Variants in WNT2 observed in about 807,000 individuals in gnomAD.
WNT2 encodes the protein Wnt family member 2.
In WNT2, 12 loss-of-function variants were observed where a neutral mutation model predicts 36.9. The observed-to-expected ratio is 0.33, with a 90% confidence interval of 0.21 to 0.53. WNT2 has a LOEUF of 0.53. Among genes scored for constraint, WNT2 ranks in the 20% least tolerant of loss-of-function variants. The probability of loss-of-function intolerance (pLI) is 0.95; values close to 1 mark genes in which losing one functional copy is unlikely to be tolerated. For missense variants in WNT2, 379 were observed against 473.1 expected (o/e 0.80, Z 1.84); for synonymous variants, 163 against 174.6 (o/e 0.93, Z 0.52).
chr7:117,313,878 G>T (rs971997935), intron 3 of WNT2, among the ~76,000 whole-genome samples: 1 of 152,144 alleles, frequency 6.6e-6, no homozygotes, highest in South Asian at 2.1e-4. Flanking sequence ...GTTCAAGAAA[G>T]GTACTATTTG....
chr7:117,278,452 A>G (rs1794421711), intron 4 of WNT2, 68 bp from the exon 5 acceptor site: 2 of 1,451,910 alleles, frequency 1.4e-6, no homozygotes, highest in Non-Finnish European at 1.9e-6. Flanking sequence ...CCAGAGGAGG[A>G]GTCACGAGGT....
At chr7:117,293,050 A>T (rs1196152141) in intron 4 of WNT2, among the ~76,000 whole-genome samples, 2 of 152,086 alleles carry the variant, frequency 1.3e-5, no homozygotes, top group African/African-American at 2.4e-5. Flanking sequence ...TGAGCTCAGG[A>T]GTCGGAGCCT....
intron 4 of WNT2, among the ~76,000 whole-genome samples, chr7:117,294,168 G>C (rs1300461116): frequency 6.6e-6 from 1 of 152,076 alleles, no homozygotes; most frequent in African/African-American, 2.4e-5. Context: ...CAAGGTGCTG[G>C]GATTATAGGC....
chr7:117,318,578 C>A (rs564630721), intron 2 of WNT2, among the ~76,000 whole-genome samples: 11 of 152,206 alleles, frequency 7.2e-5, no homozygotes, highest in African/African-American at 2.7e-4. Flanking sequence ...AGTCCTGTCA[C>A]CCAGGCTGGA....
chr7:117,293,957 G>C (rs537690132), intron 4 of WNT2, among the ~76,000 whole-genome samples: 1 of 152,312 alleles, frequency 6.6e-6, no homozygotes, highest in African/African-American at 2.4e-5. Flanking sequence ...CCAGAGGTTA[G>C]AGGACACTCC....
intron 3 of WNT2, 129 bp from the exon 4 acceptor site, chr7:117,298,005 T>A: frequency 7.8e-7 from 1 of 1,282,486 alleles, no homozygotes. Flanking sequence ...GACTGGGAAA[T>A]GTTGAAGCAT....
rs1234173745 is a variant in WNT2, at chr7:117,284,715, C to A, written c.854-6331G>T. On this transcript the variant is annotated intron_variant, in intron 4 of 4. Coordinates refer to ENST00000265441, the MANE Select transcript of WNT2 (RefSeq NM_003391.3). The surrounding 1 kb of genome is among the most constrained non-coding windows in gnomAD (Gnocchi z 5.2). ...CTTTTCTTTCTGTTCACAACTGGAG[C>A]CAATATTTATGGAGCACTTATGTGA... 6.6e-6 allele frequency among the ~76,000 whole-genome samples: 1 copy of A among 152,108 alleles called. No homozygotes were observed. The highest frequency in any genetic ancestry group is 1.9e-4 in the East Asian group (1 of 5,198).
intron 4 of WNT2, among the ~76,000 whole-genome samples, chr7:117,295,114 A>AGAGACGAGACGAGACGAGATGAGAT (rs1175831463): frequency 6.6e-6 from 1 of 150,760 alleles, no homozygotes; most frequent in Non-Finnish European, 1.5e-5. Flanking sequence ...AGAAGAGAAG[A>AGAGACGAGACGAGACGAGATGAGAT]GAGACGAGAC....
intron 2 of WNT2, among the ~76,000 whole-genome samples, chr7:117,317,749 A>C (rs1360855281): frequency 6.6e-6 from 1 of 152,224 alleles, no homozygotes; most frequent in Non-Finnish European, 1.5e-5. Context: ...TATGGAGATA[A>C]ATCAAGCAAT....
chr7:117,278,195 C>T lies in WNT2; in HGVS notation c.1043G>A (p.Cys348Tyr), dbSNP rs1369342294. The change falls in exon 5 of 5, where the codon TGC becomes TAC. Residue 348 changes from cysteine to tyrosine, a missense_variant. Transcript: ENST00000265441. ...CCAGTCAGCGTTCTTGGGGGCCTTG[C>T]ATGTGTGCACATCCAGAGCTTCCAG... is the stretch of plus-strand genomic sequence containing the variant. ...DCLEALDVHT[C>Y]KAPKNADWTT... 1 of 1,614,222 alleles carries T rather than the reference C, an allele frequency of 6.2e-7. No individual in the cohort carries two copies. Among genetic ancestry groups the T allele is most frequent in the Non-Finnish European group, 8.5e-7 (1 of 1,180,026 alleles).
At position 117,303,830 on chromosome 7, in the gene WNT2, T is replaced by C. The variant is rs181744165; in HGVS notation, c.589-5954A>G. 1.1e-3 allele frequency among the ~76,000 whole-genome samples: 161 copies of C among 152,314 alleles called. 4 individuals carry two copies. Among genetic ancestry groups the C allele is most frequent in the Middle Eastern group, 6.8e-3 (2 of 294 alleles). ...GTTCTTAAAGTGAAGTTGGGTGTTT[T>C]CTCGTTCTATTTGCTACCAGTTGCA... On this transcript the variant is annotated intron_variant, in intron 3 of 4. Transcript: ENST00000265441.
At chr7:117,287,137 A>G (rs1387549912) in intron 4 of WNT2, among the ~76,000 whole-genome samples, 1 of 152,118 alleles carries the variant, frequency 6.6e-6, no homozygotes, top group Non-Finnish European at 1.5e-5. Flanking sequence ...TCACAAGTTC[A>G]TGAGATCGAG....
At position 117,276,781 on chromosome 7, in the gene WNT2, C is replaced by G. The variant is rs575036250; in HGVS notation, c.*1374G>C. 1 of 152,224 alleles carries G rather than the reference C, an allele frequency of 6.6e-6. No homozygotes were observed. The highest frequency in any genetic ancestry group is 2.4e-5 in the African/African-American group (1 of 41,462). 9.4% of individuals were successfully genotyped at this position (152,224 alleles called of 1,614,324 possible). A position where few individuals can be genotyped will look rare whatever the true frequency, so the allele number is the denominator to read the frequency against. On this transcript the variant is annotated 3_prime_UTR_variant, in exon 5 of 5. Transcript: ENST00000265441. Reference sequence around the variant, plus strand: ...CATAAAAAAACGGTGCAGGCAGCCTCTCCATTTTCCCTGAATGTCATCTTT... The same window carrying G: ...CATAAAAAAACGGTGCAGGCAGCCTGTCCATTTTCCCTGAATGTCATCTTT...
Position 117,322,765 on chromosome 7 carries a change from A to C in WNT2, c.83+142T>G. Reference sequence around the variant, plus strand: ...AAGAGAAGGGGCTCACCATGGGGCGATAAGAGGGCAGTAGCCAGGGTTCGG... The same window carrying C: ...AAGAGAAGGGGCTCACCATGGGGCGCTAAGAGGGCAGTAGCCAGGGTTCGG... On this transcript the variant is annotated intron_variant, in intron 1 of 4. Transcript: ENST00000265441. This position sits in a 1 kb window ranked among gnomAD's most constrained non-coding sequence, Gnocchi z 5.4. 4 of 769,494 alleles carry C rather than the reference A, an allele frequency of 5.2e-6. No individual in the cohort carries two copies. In the South Asian group the frequency reaches 6.0e-5, roughly 12 times the overall value. 47.7% of individuals were successfully genotyped at this position (769,494 alleles called of 1,614,324 possible). A position where few individuals can be genotyped will look rare whatever the true frequency, so the allele number is the denominator to read the frequency against.
In WNT2 at chr7:117,294,783, A is replaced by G. The variant is rs549562568; in HGVS notation, c.853+2829T>C. 1.2e-4 allele frequency among the ~76,000 whole-genome samples: 19 copies of G among 152,306 alleles called. No individual in the cohort carries two copies. In the East Asian group the frequency reaches 3.3e-3, roughly 26 times the overall value. ...GGCTGTGTGCAGCGAGAGGCAGAGT[A>G]AAATCGTTGTTGAAAAGACAGCCAC... On this transcript the variant is annotated intron_variant, in intron 4 of 4. Transcript: ENST00000265441.
At chr7:117,311,578 A>G (rs915704903) in intron 3 of WNT2, among the ~76,000 whole-genome samples, 7 of 152,224 alleles carry the variant, frequency 4.6e-5, no homozygotes, top group African/African-American at 1.7e-4. Flanking sequence ...ACAGTATTTT[A>G]TCAATTAAAA....
intron 3 of WNT2, among the ~76,000 whole-genome samples, chr7:117,312,485 C>T (rs1795140454): frequency 6.6e-6 from 1 of 152,182 alleles, no homozygotes; most frequent in East Asian, 1.9e-4. Flanking sequence ...ATGTAATTTA[C>T]CTAAAACTAT....
At chr7:117,310,386 G>C (rs979542820) in intron 3 of WNT2, among the ~76,000 whole-genome samples, 1 of 151,516 alleles carries the variant, frequency 6.6e-6, no homozygotes, top group South Asian at 2.1e-4. Flanking sequence ...GCAACATGGC[G>C]AAACCTCATC....
intron 4 of WNT2, among the ~76,000 whole-genome samples, chr7:117,281,850 G>A (rs1176138117): frequency 2.0e-5 from 3 of 152,190 alleles, no homozygotes; most frequent in Admixed American, 6.5e-5. Context: ...GGAGGTAACT[G>A]GCGCCCTCGA....
Sources: allele counts gnomAD v4.1 joint callset (sites outside exome capture counted in the v4.1 genomes callset), GRCh38; gene constraint gnomAD v4.1.1; non-coding constraint Gnocchi (gnomAD v3.1); transcripts MANE v1.5; gene names NCBI Gene and HGNC (gene_info 2026-07-23, HGNC 2026-07-21).